CPS1: variants seen among roughly 807,000 people sequenced by gnomAD.
CPS1 encodes the protein carbamoyl-phosphate synthase 1.
A neutral mutation model predicts 174.6 loss-of-function variants in CPS1; 109 were observed. That is an observed-to-expected ratio of 0.62 (90% CI 0.53 to 0.73). CPS1 has a LOEUF of 0.73. Among genes scored for constraint, CPS1 ranks in the 30% least tolerant of loss-of-function variants. CPS1 has a pLI of 0.00. For synonymous variants in CPS1, 637 were observed against 632.0 expected, an observed-to-expected ratio of 1.01 and a Z score of -0.12; for missense variants, 1,689 against 1,821.9, an observed-to-expected ratio of 0.93 and a Z score of 1.33.
intron 20 of CPS1, 55 bp downstream of exon 20, chr2:210,612,348 G>A (rs1699160582): frequency 6.3e-7 from 1 of 1,575,816 alleles, no homozygotes; most frequent in Admixed American, 1.7e-5. Context: ...AATGTAGTCA[G>A]TCTGGACATT....
At chr2:210,616,938 C>T (rs888181052) in intron 21 of CPS1, among the ~76,000 whole-genome samples, 1 of 151,814 alleles carries the variant, frequency 6.6e-6, no homozygotes, top group South Asian at 2.1e-4. Flanking sequence ...AGTCTGTTTT[C>T]CCCTTTTAAT....
intron 32 of CPS1, among the ~76,000 whole-genome samples, chr2:210,662,750 T>C (rs1191160435): frequency 1.3e-5 from 2 of 152,158 alleles, no homozygotes; most frequent in Non-Finnish European, 2.9e-5. Context: ...CCAAAGCCTA[T>C]CAAAGAGAAA....
intron 1 of CPS1, among the ~76,000 whole-genome samples, chr2:210,503,478 C>T (rs1281203743): frequency 1.3e-5 from 2 of 152,116 alleles, no homozygotes; most frequent in African/African-American, 4.8e-5. Flanking sequence ...GGTGTGTGTT[C>T]TCCCCTTCTC....
At chr2:210,676,279 T>A (rs1701533207) in intron 36 of CPS1, among the ~76,000 whole-genome samples, 1 of 152,262 alleles carries the variant, frequency 6.6e-6, no homozygotes, top group South Asian at 2.1e-4. Flanking sequence ...TTGGATTACC[T>A]AATTGGTCAT....
intron 21 of CPS1, chr2:210,619,893 A>T (rs958916788): frequency 6.8e-6 from 1 of 148,136 alleles, no homozygotes; most frequent in African/African-American, 2.5e-5. Context: ...ATACCCACGC[A>T]TGGACACAGG....
intron 1 of CPS1, among the ~76,000 whole-genome samples, chr2:210,560,587 C>T (rs1007954917): frequency 4.6e-5 from 7 of 152,138 alleles, no homozygotes; most frequent in African/African-American, 9.7e-5. Context: ...ACTTCAGCTA[C>T]GAATGAGCAC....
chr2:210,614,040 C>A (rs908559888), intron 20 of CPS1, among the ~76,000 whole-genome samples: 20 of 151,908 alleles, frequency 1.3e-4, no homozygotes, highest in African/African-American at 4.6e-4. Flanking sequence ...GAGCAACTTG[C>A]TCTGAGGTCT....
intron 19 of CPS1, among the ~76,000 whole-genome samples, chr2:210,611,244 T>G (rs1699108474): frequency 6.6e-6 from 1 of 151,990 alleles, no homozygotes; most frequent in Non-Finnish European, 1.5e-5. Context: ...TGTCACATAA[T>G]TGACATGAAG....
chr2:210,575,136 C>T (rs768147896), intron 2 of CPS1, among the ~76,000 whole-genome samples: 5 of 152,024 alleles, frequency 3.3e-5, no homozygotes, highest in Admixed American at 6.6e-5. Context: ...CCACAGCCCT[C>T]GAGTCACCTT....
intron 21 of CPS1, among the ~76,000 whole-genome samples, chr2:210,637,063 C>T (rs1332393540): frequency 6.6e-6 from 1 of 152,106 alleles, no homozygotes; most frequent in Non-Finnish European, 1.5e-5. Context: ...TGCATAAAGA[C>T]CTGGAGCACA....
intron 1 of CPS1, among the ~76,000 whole-genome samples, chr2:210,510,816 CA>C (rs780327064): frequency 2.0e-5 from 3 of 152,156 alleles, no homozygotes; most frequent in Non-Finnish European, 4.4e-5. Context: ...AAATGCAAAT[CA>C]AAACCACAAT....
At chr2:210,609,013 C>T (rs1241808507) in intron 19 of CPS1, among the ~76,000 whole-genome samples, 2 of 151,882 alleles carry the variant, frequency 1.3e-5, no homozygotes, top group Non-Finnish European at 2.9e-5. Flanking sequence ...AGACCTCATT[C>T]CCCACATCTA....
intron 1 of CPS1, among the ~76,000 whole-genome samples, chr2:210,558,272 A>T (rs1559075652): frequency 6.6e-6 from 1 of 152,040 alleles, no homozygotes; most frequent in Non-Finnish European, 1.5e-5. Flanking sequence ...TGTTTTAAAG[A>T]TAGTTAAAAT....
intron 1 of CPS1, among the ~76,000 whole-genome samples, chr2:210,481,213 C>T (rs1329644389): frequency 6.6e-6 from 1 of 152,162 alleles, no homozygotes; most frequent in Non-Finnish European, 1.5e-5. Flanking sequence ...TTTCCTTTCT[C>T]CACCTAACAC....
intron 34 of CPS1, among the ~76,000 whole-genome samples, chr2:210,670,279 A>G (rs972798012): frequency 1.3e-5 from 2 of 152,164 alleles, no homozygotes; most frequent in African/African-American, 4.8e-5. Context: ...AGCCATGGCA[A>G]AATTGATCAG....
intron 21 of CPS1, among the ~76,000 whole-genome samples, chr2:210,628,864 G>A (rs766350279): frequency 1.4e-4 from 21 of 152,048 alleles, no homozygotes; most frequent in Non-Finnish European, 3.1e-4. Context: ...GTCAAAGAAA[G>A]ATATATTGAA....
intron 21 of CPS1, among the ~76,000 whole-genome samples, chr2:210,625,945 C>A (rs1414065873): frequency 6.6e-6 from 1 of 151,816 alleles, no homozygotes; most frequent in Admixed American, 6.6e-5. Context: ...ATATTAGCTA[C>A]CTGTTTGTTC....
chr2:210,503,078 A>G (rs1022105794), intron 1 of CPS1, among the ~76,000 whole-genome samples: 1 of 152,186 alleles, frequency 6.6e-6, no homozygotes, highest in African/African-American at 2.4e-5. Flanking sequence ...TATCTCCAGC[A>G]CTGACATCCT....
At position 210,600,543 on chromosome 2, in the gene CPS1, G is replaced by A; in HGVS notation, c.1550-12G>A. On this transcript the variant is annotated splice_polypyrimidine_tract_variant and intron_variant, in intron 14 of 37. Coordinates refer to ENST00000233072, the MANE Select transcript of CPS1 (RefSeq NM_001875.5). Reference sequence around the variant, plus strand: ...AGATTTTAAAAACTAATCCTATTTGGTTCTTCTTTAGGAGTGGAACTATTC... The same window carrying A: ...AGATTTTAAAAACTAATCCTATTTGATTCTTCTTTAGGAGTGGAACTATTC... The A allele has an allele frequency of 1.9e-6, 3 of 1,611,376 alleles. No individual in the cohort carries two copies. The highest frequency in any genetic ancestry group is 2.5e-6 in the Non-Finnish European group (3 of 1,178,410).
Sources: gnomAD v4.1 joint callset for allele counts (sites outside exome capture counted in the v4.1 genomes callset) on GRCh38, gnomAD v4.1.1 for gene constraint, MANE v1.5 for transcripts, NCBI Gene and HGNC (gene_info 2026-07-23, HGNC 2026-07-21) for gene names.